MED13L: variants seen among roughly 807,000 people sequenced by gnomAD.
The protein encoded by MED13L is mediator of RNA polymerase II transcription subunit 13-like.
A neutral mutation model predicts 220.9 loss-of-function variants in MED13L; 7 were observed. That is an observed-to-expected ratio of 0.03 (90% CI 0.02 to 0.06). MED13L has a LOEUF of 0.06. Among genes scored for constraint, MED13L ranks in the 10% least tolerant of loss-of-function variants. The pLI, the probability that MED13L is intolerant of heterozygous loss-of-function variation, is 1.00. For missense variants in MED13L, 1,965 were observed against 2,760.5 expected (o/e 0.71, Z 6.46); for synonymous variants, 1,011 against 1,015.2 (o/e 1.00, Z 0.08).
chr12:116,231,268 C>T (rs1869530805), intron 2 of MED13L, among the ~76,000 whole-genome samples: 1 of 152,286 alleles, frequency 6.6e-6, no homozygotes, highest in Non-Finnish European at 1.5e-5. Flanking sequence ...ATCTGGCAGA[C>T]ACTACCTTAA....
At chr12:116,147,556 C>T (rs1333113871) in intron 2 of MED13L, among the ~76,000 whole-genome samples, 4 of 152,022 alleles carry the variant, frequency 2.6e-5, no homozygotes, top group East Asian at 1.9e-4. Flanking sequence ...TGACTGCAGG[C>T]GACAGAGCAG....
At chr12:116,262,967 C>T (rs921700761) in intron 1 of MED13L, among the ~76,000 whole-genome samples, 2 of 152,158 alleles carry the variant, frequency 1.3e-5, no homozygotes, top group Non-Finnish European at 2.9e-5. Flanking sequence ...GATGATTACA[C>T]TTTTCAAGTT....
intron 2 of MED13L, among the ~76,000 whole-genome samples, chr12:116,119,822 AAAAAAAAAAAAAAAAAAT>A (rs1874850508): frequency 9.6e-6 from 1 of 104,146 alleles, no homozygotes; most frequent in Non-Finnish European, 2.0e-5. Context: ...AAAAAAAAAA[AAAAAAAAAAAAAAAAAAT>A]ATATATATAT....
intron 7 of MED13L, among the ~76,000 whole-genome samples, chr12:116,016,095 T>C (rs976597361): frequency 6.6e-6 from 1 of 152,180 alleles, no homozygotes; most frequent in African/African-American, 2.4e-5. Context: ...CAATTTCCAG[T>C]ATTAAATTCT....
intron 2 of MED13L, among the ~76,000 whole-genome samples, chr12:116,232,396 T>C (rs1464269705): frequency 6.6e-6 from 1 of 152,204 alleles, no homozygotes; most frequent in East Asian, 1.9e-4. Context: ...ATATTTGTGG[T>C]AGAAAATATA....
At chr12:115,964,109 C>A (rs1350243065) in intron 29 of MED13L, among the ~76,000 whole-genome samples, 3 of 151,850 alleles carry the variant, frequency 2.0e-5, no homozygotes, top group Non-Finnish European at 4.4e-5. Context: ...ACAAACAAAC[C>A]AACCCCCAAA....
chr12:116,037,503 G>A (rs1211181986), intron 4 of MED13L, among the ~76,000 whole-genome samples: 2 of 152,078 alleles, frequency 1.3e-5, no homozygotes, highest in African/African-American at 4.8e-5. Flanking sequence ...AATCCAAAAC[G>A]TTCTGATCCC....
At chr12:116,004,105 A>G (rs1451296399) in intron 13 of MED13L, among the ~76,000 whole-genome samples, 1 of 152,222 alleles carries the variant, frequency 6.6e-6, no homozygotes, top group Non-Finnish European at 1.5e-5. Flanking sequence ...CCCAGAGCAG[A>G]AACAATTACC....
In MED13L at chr12:116,009,069, C is replaced by CGGTTCA; in HGVS notation, c.1343_1344insTGAACC (p.Gly448_Phe449insGluPro). 6.2e-7 allele frequency: 1 copy of CGGTTCA among 1,614,054 alleles called. No homozygotes were observed. The highest frequency in any genetic ancestry group is 8.5e-7 in the Non-Finnish European group (1 of 1,180,002). ...AAGATGATGATGGTCCTGCACTGAACCCTGGTTGAGATACTGTGGGAGGTC... is the reference window on the plus strand; with the variant it reads ...AAGATGATGATGGTCCTGCACTGAACGGTTCACCTGGTTGAGATACTGTGGGAGGTC... On this transcript the variant is annotated inframe_insertion, in exon 10 of 31. Coordinates refer to ENST00000281928, the MANE Select transcript of MED13L (RefSeq NM_015335.5).
intron 2 of MED13L, among the ~76,000 whole-genome samples, chr12:116,188,092 C>A (rs896291560): frequency 6.6e-6 from 1 of 151,430 alleles, no homozygotes; most frequent in African/African-American, 2.4e-5. Context: ...TGGCTCCTCA[C>A]CAGTATTACA....
At chr12:116,014,650 C>T (rs1026692916) in intron 8 of MED13L, among the ~76,000 whole-genome samples, 3 of 152,106 alleles carry the variant, frequency 2.0e-5, no homozygotes, top group Non-Finnish European at 4.4e-5. Flanking sequence ...ATAATAAACA[C>T]CCCTCCAACT....
chr12:116,007,262 A>G (rs1272753889), intron 11 of MED13L, 149 bp downstream of exon 11: 12 of 756,692 alleles, frequency 1.6e-5, no homozygotes, highest in Non-Finnish European at 4.6e-6. Context: ...ACGCTGTTCA[A>G]TACAATAGTA....
intron 2 of MED13L, among the ~76,000 whole-genome samples, chr12:116,219,680 A>C (rs955800845): frequency 6.6e-6 from 1 of 152,254 alleles, no homozygotes; most frequent in Non-Finnish European, 1.5e-5. Flanking sequence ...TTATTTTGAG[A>C]GTAAAATGTC....
At chr12:116,067,357 T>G (rs559898232) in intron 4 of MED13L, among the ~76,000 whole-genome samples, 1 of 152,088 alleles carries the variant, frequency 6.6e-6, no homozygotes, top group Non-Finnish European at 1.5e-5. Context: ...ATATATGAAG[T>G]TGGAATTTTC....
At chr12:116,235,062 C>A (rs1041655854) in intron 2 of MED13L, among the ~76,000 whole-genome samples, 6 of 152,150 alleles carry the variant, frequency 3.9e-5, no homozygotes, top group African/African-American at 1.4e-4. Context: ...TTAAAATATT[C>A]TCTTTGTATC....
chr12:116,059,500 C>T (rs1379307651), intron 4 of MED13L, among the ~76,000 whole-genome samples: 1 of 151,690 alleles, frequency 6.6e-6, no homozygotes, highest in Non-Finnish European at 1.5e-5. Flanking sequence ...TCACTGCAAC[C>T]TCCGCCTCCC....
chr12:116,233,090 G>GAA (rs530903194), intron 2 of MED13L, among the ~76,000 whole-genome samples: 25 of 82,948 alleles, frequency 3.0e-4, no homozygotes, highest in South Asian at 1.7e-3. Context: ...CTGTCTAAAG[G>GAA]AAAAAAAAAA....
At chr12:116,112,306 T>G (rs906953658) in intron 2 of MED13L, among the ~76,000 whole-genome samples, 1 of 152,188 alleles carries the variant, frequency 6.6e-6, no homozygotes, top group Non-Finnish European at 1.5e-5. Flanking sequence ...ATTGGAAGGA[T>G]GAAAACAACA....
In MED13L at chr12:115,973,189, T is replaced by C. The variant is rs1007006407; in HGVS notation, c.5732-953A>G. 7.2e-5 allele frequency among the ~76,000 whole-genome samples: 11 copies of C among 152,298 alleles called. No homozygotes were observed. The East Asian group carries it at 1.7e-3, about 24-fold the overall frequency. ...TTTTAAAACTATGGGAAATCACAGA[T>C]GTGAGCTTCATATTTCAAACCAAGT... On this transcript the variant is annotated intron_variant, in intron 25 of 30. Transcript: ENST00000281928.
Sources: gnomAD v4.1 joint callset for allele counts (sites outside exome capture counted in the v4.1 genomes callset) on GRCh38, gnomAD v4.1.1 for gene constraint, MANE v1.5 for transcripts, NCBI Gene and HGNC (gene_info 2026-07-23, HGNC 2026-07-21) for gene names.